The following FBXW11 variants were observed in gnomAD, a reference collection of about 807,000 sequenced individuals.
The protein encoded by FBXW11 is F-box and WD repeat domain containing 11.
In FBXW11, 19 loss-of-function variants were observed where a neutral mutation model predicts 77.6. That is an observed-to-expected ratio of 0.24 (90% CI 0.17 to 0.36). The LOEUF (loss-of-function observed/expected upper bound fraction) is 0.36, where lower values mean the gene tolerates loss of function less well. Among genes scored for constraint, FBXW11 ranks in the 10% least tolerant of loss-of-function variants. The pLI is 1.00. For synonymous variants in FBXW11, 235 were observed against 249.4 expected, an observed-to-expected ratio of 0.94 and a Z score of 0.54; for missense variants, 334 against 704.2, an observed-to-expected ratio of 0.47 and a Z score of 5.95.
intron 1 of FBXW11, among the ~76,000 whole-genome samples, chr5:171,975,462 T>A: frequency 6.6e-6 from 1 of 152,158 alleles, no homozygotes; most frequent in East Asian, 1.9e-4. Context: ...AAGATGTGGT[T>A]ATTACAGAGG....
intron 1 of FBXW11, among the ~76,000 whole-genome samples, chr5:171,975,598 C>G (rs916890667): frequency 6.6e-6 from 1 of 152,204 alleles, no homozygotes; most frequent in Non-Finnish European, 1.5e-5. Flanking sequence ...TTGCTATCTA[C>G]GTGACCTTGG....
At chr5:171,967,300 C>T (rs1376315275) in intron 1 of FBXW11, among the ~76,000 whole-genome samples, 2 of 152,172 alleles carry the variant, frequency 1.3e-5, no homozygotes, top group African/African-American at 2.4e-5. Flanking sequence ...CATCACTGTT[C>T]ATAATAGCAA....
intron 1 of FBXW11, among the ~76,000 whole-genome samples, chr5:171,962,793 C>A (rs1330586085): frequency 1.3e-5 from 2 of 152,172 alleles, no homozygotes; most frequent in Non-Finnish European, 2.9e-5. Flanking sequence ...CAAAAGCTAA[C>A]TTCGGTCTGT....
At position 171,926,889 on chromosome 5, in the gene FBXW11, C is replaced by A. The variant is rs1354919728; in HGVS notation, c.148-12484G>T. On this transcript the variant is annotated intron_variant, in intron 2 of 13. Coordinates refer to ENST00000517395, the MANE Select transcript of FBXW11 (RefSeq NM_001378974.1). ...TTAAGTACAGAGGTATAATAAATAT[C>A]TATTGATAAATATTAGCTACACACT... is the stretch of plus-strand genomic sequence containing the variant. Among the ~76,000 whole-genome samples the A allele has an allele frequency of 3.3e-5, 5 of 152,028 alleles. No individual in the cohort carries two copies. In the East Asian group the frequency reaches 5.8e-4, roughly 18 times the overall value.
At chr5:171,887,332 G>A (rs550779004) in intron 7 of FBXW11, among the ~76,000 whole-genome samples, 168 of 152,030 alleles carry the variant, frequency 1.1e-3, no homozygotes, top group Middle Eastern at 6.8e-3. Flanking sequence ...TTCAGAGTGC[G>A]TTTGACCTAG....
At chr5:171,896,788 A>G (rs911950914) in intron 6 of FBXW11, among the ~76,000 whole-genome samples, 5 of 152,206 alleles carry the variant, frequency 3.3e-5, no homozygotes, top group Non-Finnish European at 2.9e-5. Flanking sequence ...GGTTTGATAT[A>G]TGCAAAAACT....
At chr5:171,874,855 G>C (rs1046519250) in intron 9 of FBXW11, among the ~76,000 whole-genome samples, 25 of 151,604 alleles carry the variant, frequency 1.6e-4, no homozygotes, top group African/African-American at 2.4e-5. Context: ...CCTGAGCTGG[G>C]GGACTGCTTG....
At chr5:171,919,377 C>A (rs1176630435) in intron 2 of FBXW11, among the ~76,000 whole-genome samples, 1 of 152,124 alleles carries the variant, frequency 6.6e-6, no homozygotes, top group Admixed American at 6.6e-5. Context: ...AAGGAAGCTG[C>A]ACTGATGGTA....
At position 171,966,719 on chromosome 5, in the gene FBXW11, G is replaced by A. The variant is rs117601494; in HGVS notation, c.46-9021C>T. ...ACATCTGGGCCTTTGTTGGTTAGCAGCTGTGGTCCAACTAGGAAAGTTGTT... is the reference window on the plus strand; with the variant it reads ...ACATCTGGGCCTTTGTTGGTTAGCAACTGTGGTCCAACTAGGAAAGTTGTT... On this transcript the variant is annotated intron_variant, in intron 1 of 13. Coordinates refer to ENST00000517395, the MANE Select transcript of FBXW11 (RefSeq NM_001378974.1). 5.6e-4 allele frequency among the ~76,000 whole-genome samples: 85 copies of A among 152,334 alleles called. 1 individual carries two copies. In the East Asian group the frequency reaches 0.015, roughly 26 times the overall value.
intron 3 of FBXW11, among the ~76,000 whole-genome samples, chr5:171,913,173 G>T (rs929065095): frequency 6.6e-6 from 1 of 151,972 alleles, no homozygotes; most frequent in Non-Finnish European, 1.5e-5. Flanking sequence ...TTCATAACAG[G>T]TTAAATATAA....
rs778327855 is a variant in FBXW11, at chr5:171,998,336, C to CTTTTTTTTTTTTTTTTTTTTTTTT, written c.45+8121_45+8122insAAAAAAAAAAAAAAAAAAAAAAAA. Among the ~76,000 whole-genome samples the CTTTTTTTTTTTTTTTTTTTTTTTT allele has an allele frequency of 2.6e-5, 3 of 114,828 alleles. 1 individual carries two copies. Among genetic ancestry groups the CTTTTTTTTTTTTTTTTTTTTTTTT allele is most frequent in the African/African-American group, 1.2e-4 (3 of 24,002 alleles). 75.3% of individuals were successfully genotyped at this position (114,828 alleles called of 152,430 possible). On this transcript the variant is annotated intron_variant, in intron 1 of 13. Transcript: ENST00000517395. ...ACAGCCCATGATATTTTTTTCTTGT[C>CTTTTTTTTTTTTTTTTTTTTTTTT]TTTTTTTTTTTTTTTTTAAGTAGAG...
intron 4 of FBXW11, among the ~76,000 whole-genome samples, chr5:171,902,153 G>GA (rs1423823494): frequency 6.6e-6 from 1 of 152,136 alleles, no homozygotes; most frequent in Non-Finnish European, 1.5e-5. Flanking sequence ...GAGGTATTTG[G>GA]AAAAATCAGC....
chr5:171,970,604 C>G (rs1215009547), intron 1 of FBXW11, among the ~76,000 whole-genome samples: 1 of 152,050 alleles, frequency 6.6e-6, no homozygotes, highest in East Asian at 1.9e-4. Context: ...TTAACAGGCC[C>G]CTACACCAAA....
At chr5:171,974,382 C>T (rs772946983) in intron 1 of FBXW11, among the ~76,000 whole-genome samples, 6 of 148,732 alleles carry the variant, frequency 4.0e-5, no homozygotes, top group East Asian at 2.0e-4. Context: ...TATGGTGAGC[C>T]GAGATCACAC....
At chr5:171,873,863 A>G (rs1757905474) in intron 9 of FBXW11, among the ~76,000 whole-genome samples, 1 of 152,214 alleles carries the variant, frequency 6.6e-6, no homozygotes, top group Admixed American at 6.5e-5. Context: ...TTATCTTACC[A>G]GCTGCATTTG....
intron 7 of FBXW11, among the ~76,000 whole-genome samples, chr5:171,882,393 C>G (rs868075789): frequency 6.6e-6 from 1 of 152,208 alleles, no homozygotes; most frequent in Non-Finnish European, 1.5e-5. Context: ...CTTTGACCTC[C>G]CGGGCTCAGG....
chr5:171,926,916 C>T (rs879820364), intron 2 of FBXW11, among the ~76,000 whole-genome samples: 6 of 152,056 alleles, frequency 3.9e-5, no homozygotes, highest in African/African-American at 7.2e-5. Flanking sequence ...CTACACACTT[C>T]AGTGCAGTGG....
intron 4 of FBXW11, among the ~76,000 whole-genome samples, chr5:171,900,809 G>T (rs1760064716): frequency 6.6e-6 from 1 of 152,082 alleles, no homozygotes; most frequent in African/African-American, 2.4e-5. Context: ...ACAAATCCTA[G>T]AATCTTAGAG....
intron 13 of FBXW11, among the ~76,000 whole-genome samples, chr5:171,866,524 T>C (rs1202086292): frequency 6.6e-6 from 1 of 152,180 alleles, no homozygotes; most frequent in Non-Finnish European, 1.5e-5. Flanking sequence ...AAGTTTCCTT[T>C]CTACCACAGC....
Sources: gnomAD v4.1 joint callset for allele counts (sites outside exome capture counted in the v4.1 genomes callset) on GRCh38, gnomAD v4.1.1 for gene constraint, MANE v1.5 for transcripts, NCBI Gene and HGNC (gene_info 2026-07-23, HGNC 2026-07-21) for gene names.